The following SEMA3D variants were observed in gnomAD, a reference collection of about 807,000 sequenced individuals.
SEMA3D encodes semaphorin 3D, also known as semaphorin-3D.
Under a neutral mutation model 100.1 loss-of-function variants are expected in SEMA3D, and 84 were observed. The observed-to-expected ratio is 0.84, with a 90% CI of 0.70 to 1.01. The LOEUF (loss-of-function observed/expected upper bound fraction) is 1.01, where lower values mean the gene tolerates loss of function less well. SEMA3D is among the 50% of genes least tolerant of loss of function. The pLI, the probability that SEMA3D is intolerant of heterozygous loss-of-function variation, is 0.00. For missense variants in SEMA3D, 875 were observed against 934.1 expected, an observed-to-expected ratio of 0.94 and a Z score of 0.82; for synonymous variants, 312 against 320.7, an observed-to-expected ratio of 0.97 and a Z score of 0.29.
At chr7:85,085,229 AAAT>A (rs756893849) in intron 4 of SEMA3D, among the ~76,000 whole-genome samples, 5 of 152,208 alleles carry the variant, frequency 3.3e-5, no homozygotes, top group African/African-American at 4.8e-5. Flanking sequence ...CATATCATAC[AAAT>A]AATAATGTAG....
intron 2 of SEMA3D, among the ~76,000 whole-genome samples, chr7:85,131,759 G>A (rs1212580858): frequency 6.6e-6 from 1 of 151,734 alleles, no homozygotes; most frequent in African/African-American, 2.4e-5. Flanking sequence ...ATCTTAACAG[G>A]TGGTAATTTA....
chr7:85,167,781 A>G (rs1274738322), intron 1 of SEMA3D, among the ~76,000 whole-genome samples: 2 of 151,842 alleles, frequency 1.3e-5, no homozygotes, highest in East Asian at 3.9e-4. Context: ...GAAAAATAAG[A>G]CTGCACATCT....
the SEMA3D span, among the ~76,000 whole-genome samples, chr7:85,239,366 G>C: frequency 6.6e-6 from 1 of 152,142 alleles, no homozygotes; most frequent in South Asian, 2.1e-4. Context: ...CCACTGCCAC[G>C]TGAGGAAACA....
chr7:85,013,140 A>G (rs1227534908), intron 16 of SEMA3D, among the ~76,000 whole-genome samples: 1 of 151,836 alleles, frequency 6.6e-6, no homozygotes, highest in African/African-American at 2.4e-5. Flanking sequence ...TTAAATAAAA[A>G]TACAACCTAG....
At chr7:85,037,659 T>C (rs1300275626) in intron 11 of SEMA3D, among the ~76,000 whole-genome samples, 1 of 152,086 alleles carries the variant, frequency 6.6e-6, no homozygotes, top group East Asian at 1.9e-4. Context: ...CCTCCTTGAA[T>C]TTATGAGTTT....
chr7:85,007,899 A>G (rs566922180), intron 17 of SEMA3D, among the ~76,000 whole-genome samples: 1 of 151,956 alleles, frequency 6.6e-6, no homozygotes, highest in East Asian at 1.9e-4. Flanking sequence ...TTGCACATAT[A>G]TTAGTTAGGC....
chr7:85,126,395 TGTGTGTGTC>T (rs1313017886), intron 2 of SEMA3D, among the ~76,000 whole-genome samples: 127 of 117,778 alleles, frequency 1.1e-3, no homozygotes, highest in African/African-American at 3.7e-3. Flanking sequence ...TGTGTGTGTG[TGTGTGTGTC>T]GTGTGTGTGT....
At chr7:85,012,888 T>C (rs1279941919) in intron 16 of SEMA3D, 42 bp from the exon 17 acceptor site, 1 of 1,482,936 alleles carries the variant, frequency 6.7e-7, no homozygotes, top group East Asian at 2.3e-5. Context: ...TCAAGCATGA[T>C]TACCATCATA....
chr7:85,172,771 T>C (rs781357568), intron 1 of SEMA3D, among the ~76,000 whole-genome samples: 2 of 152,026 alleles, frequency 1.3e-5, no homozygotes, highest in Non-Finnish European at 2.9e-5. Flanking sequence ...TGAGCACTGG[T>C]GTGTGGTCTA....
At chr7:85,202,885 C>T in the SEMA3D span, among the ~76,000 whole-genome samples, 1 of 151,816 alleles carries the variant, frequency 6.6e-6, no homozygotes, top group East Asian at 1.9e-4. Flanking sequence ...TATAGTAGAA[C>T]AAAAGATACT....
At chr7:85,018,612 A>G (rs562233758) in intron 14 of SEMA3D, among the ~76,000 whole-genome samples, 1 of 151,896 alleles carries the variant, frequency 6.6e-6, no homozygotes, top group Admixed American at 6.6e-5. Context: ...AACTGCTTCC[A>G]TATAAGTCAA....
At position 85,012,813 on chromosome 7, in the gene SEMA3D, G is replaced by A. The variant is rs1002762802; in HGVS notation, c.1737C>T (p.Asp579=). The change falls in exon 17 of 19, where the codon GAC becomes GAT. Residue 579 remains aspartate (D), a synonymous_variant. Transcript: ENST00000284136. ...CGATGTCCCAGCACTGGGTGATTGG[G>A]TCGCCATATTTTACATCTTGGCGTC... ...RARRQDVKYG[D]PITQCWDIED... 5.6e-6 allele frequency: 9 copies of A among 1,610,562 alleles called. No homozygotes were observed. The Admixed American group carries it at 1.3e-4, about 24-fold the overall frequency.
At position 85,158,012 on chromosome 7, in the gene SEMA3D, A is replaced by G. The variant is rs530418744; in HGVS notation, c.-172-4273T>C. Among the ~76,000 whole-genome samples, 4 of 152,292 alleles carry G rather than the reference A, an allele frequency of 2.6e-5. No individual in the cohort carries two copies. In the East Asian group the frequency reaches 7.7e-4, roughly 29 times the overall value. ...AATACCCTTGTGATTTCCTATGCCT[A>G]TCTTTACTTTAATCTCTTAATCCTA... On this transcript the variant is annotated intron_variant, in intron 1 of 18. Coordinates refer to ENST00000284136, the MANE Select transcript of SEMA3D (RefSeq NM_001384900.1).
At chr7:85,173,539 G>C (rs1365471169) in intron 1 of SEMA3D, among the ~76,000 whole-genome samples, 1 of 151,972 alleles carries the variant, frequency 6.6e-6, no homozygotes, top group African/African-American at 2.4e-5. Context: ...GGCCACCAAG[G>C]GGCTGTTCTT....
the SEMA3D span, among the ~76,000 whole-genome samples, chr7:85,199,867 G>T: frequency 6.6e-6 from 1 of 152,184 alleles, no homozygotes; most frequent in African/African-American, 2.4e-5. Context: ...AACTCAATGG[G>T]AGGTGTTTGA....
the SEMA3D span, among the ~76,000 whole-genome samples, chr7:85,226,047 C>T: frequency 6.6e-6 from 1 of 151,994 alleles, no homozygotes; most frequent in African/African-American, 2.4e-5. Context: ...TATCAAAATC[C>T]TTGTTTAGCT....
At chr7:85,164,524 G>A (rs1790840574) in intron 1 of SEMA3D, among the ~76,000 whole-genome samples, 1 of 152,058 alleles carries the variant, frequency 6.6e-6, no homozygotes. Context: ...TCCGCAAGCT[G>A]CATTTGATTT....
At chr7:85,060,897 T>A (rs1791460185) in intron 8 of SEMA3D, among the ~76,000 whole-genome samples, 1 of 152,158 alleles carries the variant, frequency 6.6e-6, no homozygotes, top group African/African-American at 2.4e-5. Context: ...AAAGTTCTCA[T>A]CTATTCCAAG....
intron 2 of SEMA3D, among the ~76,000 whole-genome samples, chr7:85,122,683 A>C (rs575927500): frequency 1.5e-4 from 23 of 152,268 alleles, no homozygotes; most frequent in African/African-American, 5.5e-4. Context: ...TAAAAATTAC[A>C]CTTAAATGTG....
Sources: allele counts gnomAD v4.1 joint callset (sites outside exome capture counted in the v4.1 genomes callset), GRCh38; gene constraint gnomAD v4.1.1; transcripts MANE v1.5; gene names NCBI Gene and HGNC (gene_info 2026-07-23, HGNC 2026-07-21).